The following MDH1B variants were observed in gnomAD, a reference collection of about 807,000 sequenced individuals.
The protein encoded by MDH1B is malate dehydrogenase 1B.
MDH1B carries 60 observed loss-of-function variants against 61.4 expected under a neutral mutation model. That is an observed-to-expected ratio of 0.98 (90% CI 0.79 to 1.21). The LOEUF is 1.21. Among genes scored for constraint, MDH1B ranks in the 50% most tolerant of loss-of-function variants. The probability of loss-of-function intolerance (pLI) is 0.00; values close to 1 mark genes in which losing one functional copy is unlikely to be tolerated. For missense variants in MDH1B, 587 were observed against 632.1 expected (o/e 0.93, Z 0.76); for synonymous variants, 236 against 218.7 (o/e 1.08, Z -0.70).
Position 206,755,448 on chromosome 2 carries a change from A to C in MDH1B, c.471T>G (p.Phe157Leu), listed in dbSNP as rs1298438825. The C allele has an allele frequency of 6.2e-7, 1 of 1,614,188 alleles. No individual in the cohort carries two copies. The highest frequency in any genetic ancestry group is 8.5e-7 in the Non-Finnish European group (1 of 1,180,022). The change falls in exon 5 of 12, where the codon TTT (phenylalanine) becomes TTG (leucine). Residue 157 changes from phenylalanine (F) to leucine (L), a missense_variant. By Grantham distance (22) the Phe-to-Leu change is conservative. Transcript: ENST00000374412. ...LIPILTSGEV[F>L]GMHTEISITL... ...TTATGCTAATTTCTGTATGCATCCC[A>C]AACACTTCGCCACTCGTCAATATGG... is the stretch of plus-strand genomic sequence containing the variant.
chr2:206,745,330 T>A (rs1688046282), intron 9 of MDH1B: 1 of 538,410 alleles, frequency 1.9e-6, no homozygotes, highest in African/African-American at 1.9e-5. Context: ...TTTCTGTTGT[T>A]TTTAAGCCAT....
At chr2:206,746,567 T>C in intron 7 of MDH1B, 141 bp from the exon 8 acceptor site, 2 of 951,704 alleles carry the variant, frequency 2.1e-6, no homozygotes, top group Non-Finnish European at 3.0e-6. Flanking sequence ...GGAATTCTTC[T>C]CCAAAGAGGA....
intron 1 of MDH1B, among the ~76,000 whole-genome samples, chr2:206,762,595 C>G (rs1251506789): frequency 6.6e-6 from 1 of 152,228 alleles, no homozygotes; most frequent in African/African-American, 2.4e-5. Context: ...AAACTCATCT[C>G]CCCCTCTAGC....
intron 1 of MDH1B, among the ~76,000 whole-genome samples, chr2:206,761,627 CATGTAT>C (rs545689352): frequency 2.6e-5 from 4 of 151,616 alleles, no homozygotes; most frequent in Non-Finnish European, 5.9e-5. Flanking sequence ...TGTATATGTA[CATGTAT>C]ATGTATATGT....
At chr2:206,747,254 C>T (rs1419413457) in intron 7 of MDH1B, among the ~76,000 whole-genome samples, 1 of 152,166 alleles carries the variant, frequency 6.6e-6, no homozygotes, top group African/African-American at 2.4e-5. Flanking sequence ...CCCAGGTCCT[C>T]AAGTAATGCT....
intron 9 of MDH1B, chr2:206,741,440 A>T: frequency 3.0e-6 from 1 of 333,456 alleles, no homozygotes; most frequent in South Asian, 2.6e-5. Flanking sequence ...GGGAAGACAG[A>T]CCCACCCTTA....
chr2:206,756,647 T>C (rs1318149614), intron 4 of MDH1B: 7 of 446,954 alleles, frequency 1.6e-5, no homozygotes, highest in Non-Finnish European at 2.8e-5. Context: ...AGCCATGCTA[T>C]AGAGTTGTTT....
Position 206,756,882 on chromosome 2 carries a change from G to A in MDH1B, c.413+16C>T. 6.2e-7 allele frequency: 1 copy of A among 1,612,916 alleles called. No individual in the cohort carries two copies. The highest frequency in any genetic ancestry group is 8.5e-7 in the Non-Finnish European group (1 of 1,179,590). On this transcript the variant is annotated intron_variant, in intron 4 of 11. Coordinates refer to ENST00000374412, the MANE Select transcript of MDH1B (RefSeq NM_001039845.3). ...AAAAAGTAAATCTCATGAATCCTGG[G>A]ATTTGACTGTCCCACCTGGTGATCC...
chr2:206,754,076 T>C (rs1458096391), intron 5 of MDH1B, among the ~76,000 whole-genome samples: 1 of 152,224 alleles, frequency 6.6e-6, no homozygotes, highest in Non-Finnish European at 1.5e-5. Flanking sequence ...ACTGTGGGGA[T>C]AAAATACTAA....
intron 1 of MDH1B, among the ~76,000 whole-genome samples, chr2:206,764,149 T>C (rs1689279644): frequency 6.6e-6 from 1 of 151,942 alleles, no homozygotes; most frequent in South Asian, 2.1e-4. Flanking sequence ...AATACAAAAA[T>C]TAGCTGGGCA....
intron 1 of MDH1B, among the ~76,000 whole-genome samples, chr2:206,761,764 G>C (rs1384193326): frequency 6.6e-6 from 1 of 152,048 alleles, no homozygotes; most frequent in Non-Finnish European, 1.5e-5. Flanking sequence ...TAGAGCAGGA[G>C]GGATGGGGAA....
In MDH1B at chr2:206,763,337, C is replaced by T. The variant is rs531255051; in HGVS notation, c.22+1913G>A. On this transcript the variant is annotated intron_variant, in intron 1 of 11. Coordinates refer to ENST00000374412, the MANE Select transcript of MDH1B (RefSeq NM_001039845.3). ...TCCTTTTTCTCCCTTATCTGCCCTC[C>T]TCCAGTCAATTAGACATCCAGTTCT... Among the ~76,000 whole-genome samples, 12 of 151,832 alleles carry T rather than the reference C, an allele frequency of 7.9e-5. No individual in the cohort carries two copies. In the South Asian group the frequency reaches 1.2e-3, roughly 16 times the overall value.
chr2:206,751,258 T>G (rs1688422324), intron 5 of MDH1B, among the ~76,000 whole-genome samples, 183 bp from the exon 6 acceptor site: 1 of 152,114 alleles, frequency 6.6e-6, no homozygotes. Context: ...CTAACTGTCA[T>G]AGTTTGGCAG....
rs1002707765 is a variant in MDH1B at position 206,754,045 on chromosome 2, A to G, written c.910+964T>C. Among the ~76,000 whole-genome samples, 9 of 152,354 alleles carry G rather than the reference A, an allele frequency of 5.9e-5. No homozygotes were observed. In the South Asian group the frequency reaches 1.4e-3, roughly 25 times the overall value. The stretch of plus-strand genomic sequence containing the variant: ...TTCCTTCTGAATAATTTTAGCATCA[A>G]TTTGGTTGAGTGTTGTAGTGACTGT... On this transcript the variant is annotated intron_variant, in intron 5 of 11. Transcript: ENST00000374412.
chr2:206,762,771 A>G (rs1386393496), intron 1 of MDH1B, among the ~76,000 whole-genome samples: 1 of 152,156 alleles, frequency 6.6e-6, no homozygotes, highest in East Asian at 1.9e-4. Context: ...AATCCAGCAG[A>G]TACTTTCCGA....
In MDH1B at chr2:206,752,891, G is replaced by A. The variant is rs564640227; in HGVS notation, c.911-1816C>T. ...ATCTGTCGGGTGGGACTGTCCTCAC[G>A]CCTTAGGTCCACCTATAGGCATTAG... On this transcript the variant is annotated intron_variant, in intron 5 of 11. Coordinates refer to ENST00000374412, the MANE Select transcript of MDH1B (RefSeq NM_001039845.3). 3.3e-5 allele frequency among the ~76,000 whole-genome samples: 5 copies of A among 149,978 alleles called. No homozygotes were observed. In the East Asian group the frequency reaches 1.0e-3, roughly 30 times the overall value.
At chr2:206,761,187 A>C (rs1425561375) in intron 1 of MDH1B, among the ~76,000 whole-genome samples, 174 bp from the exon 2 acceptor site, 1 of 152,222 alleles carries the variant, frequency 6.6e-6, no homozygotes, top group African/African-American at 2.4e-5. Flanking sequence ...AGATTAATAC[A>C]AATAAAATAA....
At chr2:206,760,153 T>C (rs373264209) in intron 2 of MDH1B, among the ~76,000 whole-genome samples, 1 of 152,112 alleles carries the variant, frequency 6.6e-6, no homozygotes, top group Non-Finnish European at 1.5e-5. Context: ...ACACTCCAGG[T>C]TCCCCCTTCA....
At chr2:206,760,562 G>C (rs907645707) in intron 2 of MDH1B, among the ~76,000 whole-genome samples, 20 of 152,108 alleles carry the variant, frequency 1.3e-4, no homozygotes, top group Non-Finnish European at 8.8e-5. Flanking sequence ...GGGAAACAGA[G>C]TCCCAAAGAA....
Sources: allele counts gnomAD v4.1 joint callset (sites outside exome capture counted in the v4.1 genomes callset), GRCh38; gene constraint gnomAD v4.1.1; transcripts MANE v1.5; gene names NCBI Gene and HGNC (gene_info 2026-07-23, HGNC 2026-07-21).